Variants in DLGAP1 observed in about 807,000 individuals in gnomAD.
DLGAP1 encodes disks large-associated protein 1.
DLGAP1 carries 11 observed loss-of-function variants against 90.8 expected under a neutral mutation model. That is an observed-to-expected ratio of 0.12 (90% CI 0.08 to 0.20). DLGAP1 has a LOEUF of 0.20. Among genes scored for constraint, DLGAP1 ranks in the 10% least tolerant of loss-of-function variants. DLGAP1 has a pLI of 1.00. For missense variants in DLGAP1, 1,050 were observed against 1,333.8 expected, an observed-to-expected ratio of 0.79 and a Z score of 3.31; for synonymous variants, 558 against 540.7, an observed-to-expected ratio of 1.03 and a Z score of -0.44.
intron 1 of DLGAP1, among the ~76,000 whole-genome samples, chr18:4,269,589 T>C (rs538305001): frequency 6.1e-4 from 93 of 152,042 alleles, no homozygotes; most frequent in East Asian, 5.1e-3. Flanking sequence ...CTCCTGACCT[T>C]GTGATCCACC....
intron 7 of DLGAP1, among the ~76,000 whole-genome samples, chr18:3,712,785 T>C (rs2061637651): frequency 6.6e-6 from 1 of 152,228 alleles, no homozygotes; most frequent in Admixed American, 6.5e-5. Flanking sequence ...GTTAAAGTGC[T>C]TAAGTTACTA....
chr18:4,430,850 C>T (rs1299476391), intron 1 of DLGAP1: 2 of 152,452 alleles, frequency 1.3e-5, no homozygotes, highest in Non-Finnish European at 2.9e-5. Flanking sequence ...CAAGAGTCAT[C>T]TGAAATTGTG....
intron 2 of DLGAP1, among the ~76,000 whole-genome samples, chr18:4,056,233 G>A (rs909627767): frequency 2.0e-5 from 3 of 152,132 alleles, no homozygotes; most frequent in East Asian, 1.9e-4. Context: ...GAGGATCCTC[G>A]TACTGCAAGG....
chr18:4,389,176 C>T (rs2082292974), intron 1 of DLGAP1, among the ~76,000 whole-genome samples: 1 of 152,102 alleles, frequency 6.6e-6, no homozygotes, highest in African/African-American at 2.4e-5. Context: ...TATTATTCAT[C>T]CTTAAAAAGG....
intron 1 of DLGAP1, among the ~76,000 whole-genome samples, chr18:4,434,830 C>T (rs970226424): frequency 6.6e-6 from 1 of 152,170 alleles, no homozygotes; most frequent in Non-Finnish European, 1.5e-5. Context: ...GAAGTAAGGA[C>T]ATCCCAAGGA....
intron 7 of DLGAP1, among the ~76,000 whole-genome samples, chr18:3,591,261 A>G (rs2056227709): frequency 6.6e-6 from 1 of 152,188 alleles, no homozygotes; most frequent in Admixed American, 6.5e-5. Context: ...AAAAGAAAAA[A>G]AAGAAACTTG....
intron 1 of DLGAP1, among the ~76,000 whole-genome samples, chr18:4,410,943 T>C (rs2144609239): frequency 6.6e-6 from 1 of 152,288 alleles, no homozygotes; most frequent in Admixed American, 6.5e-5. Context: ...CATGCCTGAC[T>C]TCCTCTGGCA....
intron 2 of DLGAP1, among the ~76,000 whole-genome samples, chr18:4,125,093 G>A (rs2076212274): frequency 6.6e-6 from 1 of 152,210 alleles, no homozygotes; most frequent in South Asian, 2.1e-4. Context: ...AGCAAGGCAA[G>A]GGGTCACTTA....
At chr18:4,009,091 A>AG (rs1250956041) in intron 2 of DLGAP1, among the ~76,000 whole-genome samples, 1 of 152,014 alleles carries the variant, frequency 6.6e-6, no homozygotes, top group African/African-American at 2.4e-5. Context: ...TTTTTAGTAG[A>AG]ACGGGGTTTC....
At chr18:4,124,785 G>A (rs1020801401) in intron 2 of DLGAP1, among the ~76,000 whole-genome samples, 2 of 152,202 alleles carry the variant, frequency 1.3e-5, no homozygotes, top group East Asian at 1.9e-4. Context: ...CAGAGTTCAT[G>A]AGAATCACAT....
At chr18:3,973,483 G>A (rs2073499497) in intron 3 of DLGAP1, among the ~76,000 whole-genome samples, 1 of 152,146 alleles carries the variant, frequency 6.6e-6, no homozygotes, top group Non-Finnish European at 1.5e-5. Flanking sequence ...TTCAGGAGGG[G>A]AGTGGTGGAG....
At chr18:3,967,207 T>C (rs1299849535) in intron 3 of DLGAP1, among the ~76,000 whole-genome samples, 1 of 152,222 alleles carries the variant, frequency 6.6e-6, no homozygotes, top group East Asian at 1.9e-4. Flanking sequence ...ATTCCATAAA[T>C]ACTAACTTAT....
intron 2 of DLGAP1, among the ~76,000 whole-genome samples, chr18:4,130,750 C>T (rs183392055): frequency 1.3e-3 from 196 of 152,000 alleles, no homozygotes; most frequent in Non-Finnish European, 2.3e-3. Context: ...GAGAAAGAGC[C>T]GAGGGAGCCG....
In DLGAP1 at chr18:4,247,177, ATAT is replaced by A. The variant is rs536244396; in HGVS notation, c.-266-95893_-266-95891del. Among the ~76,000 whole-genome samples the A allele has an allele frequency of 5.9e-5, 9 of 152,326 alleles. No individual in the cohort carries two copies. The East Asian group carries it at 1.7e-3, about 29-fold the overall frequency. ...TACTATATTACTAGCAGTAATAGTAATATTTATTATAAATCATTACTGAGTGCA... is the reference window on the plus strand; with the variant it reads ...TACTATATTACTAGCAGTAATAGTAATTATTATAAATCATTACTGAGTGCA... On this transcript the variant is annotated intron_variant, in intron 1 of 12. Coordinates refer to ENST00000315677, the MANE Select transcript of DLGAP1 (RefSeq NM_004746.4).
intron 2 of DLGAP1, among the ~76,000 whole-genome samples, chr18:4,112,763 C>T (rs917765865): frequency 6.6e-6 from 1 of 152,114 alleles, no homozygotes; most frequent in Non-Finnish European, 1.5e-5. Context: ...CCTCACCTCT[C>T]TCCCCTCTCC....
chr18:3,692,053 C>G (rs2060915505), intron 7 of DLGAP1, among the ~76,000 whole-genome samples: 1 of 152,136 alleles, frequency 6.6e-6, no homozygotes, highest in African/African-American at 2.4e-5. Context: ...TTGCTTAAGT[C>G]AATGTTTTCT....
intron 7 of DLGAP1, among the ~76,000 whole-genome samples, chr18:3,719,372 T>TCCTGGCTA (rs1225093079): frequency 2.0e-3 from 303 of 151,592 alleles, no homozygotes; most frequent in African/African-American, 6.2e-3. Flanking sequence ...CAAGACCTGA[T>TCCTGGCTA]ACAGCAAAAC....
intron 5 of DLGAP1, among the ~76,000 whole-genome samples, chr18:3,791,587 T>C (rs930258654): frequency 3.3e-5 from 5 of 152,182 alleles, no homozygotes; most frequent in Admixed American, 6.5e-5. Context: ...AGAAATCTTA[T>C]TCAGACAAAA....
chr18:4,155,561 T>C (rs746704927), intron 1 of DLGAP1, among the ~76,000 whole-genome samples: 2 of 152,188 alleles, frequency 1.3e-5, no homozygotes, highest in Non-Finnish European at 2.9e-5. Context: ...ATATTTTTCC[T>C]TCCAAAGTAG....
Sources: allele counts gnomAD v4.1 joint callset (sites outside exome capture counted in the v4.1 genomes callset), GRCh38; gene constraint gnomAD v4.1.1; transcripts MANE v1.5; gene names NCBI Gene and HGNC (gene_info 2026-07-23, HGNC 2026-07-21).